KIAA1958: variants seen among roughly 807,000 people sequenced by gnomAD.
KIAA1958 encodes KIAA1958, also known as uncharacterized protein KIAA1958.
In KIAA1958, 14 loss-of-function variants were observed where a neutral mutation model predicts 47.2. The ratio of observed to expected loss-of-function variants is 0.30; its 90% CI spans 0.20 to 0.46. KIAA1958 has a LOEUF of 0.46. KIAA1958 is among the 20% of genes least tolerant of loss of function. The pLI, the probability that KIAA1958 is intolerant of heterozygous loss-of-function variation, is 1.00. For missense variants in KIAA1958, 803 were observed against 909.2 expected, an observed-to-expected ratio of 0.88 and a Z score of 1.50; for synonymous variants, 354 against 353.3, an observed-to-expected ratio of 1.00 and a Z score of -0.02.
chr9:112,547,486 A>C (rs575148296), intron 1 of KIAA1958, among the ~76,000 whole-genome samples: 1 of 152,046 alleles, frequency 6.6e-6, no homozygotes, highest in East Asian at 1.9e-4. Flanking sequence ...AGTTCGGGCC[A>C]TGATGCGGGG....
intron 2 of KIAA1958, among the ~76,000 whole-genome samples, chr9:112,639,056 T>C (rs1256031294): frequency 6.6e-6 from 1 of 152,214 alleles, no homozygotes; most frequent in Non-Finnish European, 1.5e-5. Context: ...AGTGATTTCC[T>C]GTGATTTTTC....
chr9:112,499,133 C>T (rs1834093085), intron 1 of KIAA1958, among the ~76,000 whole-genome samples: 1 of 152,136 alleles, frequency 6.6e-6, no homozygotes, highest in African/African-American at 2.4e-5. Flanking sequence ...TTTCTTTATC[C>T]ATGCATCGGT....
chr9:112,625,429 C>T (rs1396312310), intron 2 of KIAA1958, among the ~76,000 whole-genome samples: 4 of 152,084 alleles, frequency 2.6e-5, no homozygotes, highest in African/African-American at 9.7e-5. Flanking sequence ...GCTAGAATTA[C>T]AGGCATGAGC....
chr9:112,492,502 A>G lies in KIAA1958; in HGVS notation c.-25+5384A>G, dbSNP rs142781053. ...AGGAATACAGTTCAGCCTATAACACAGTCCATCCCTCTACCTACTGCCTTT... is the reference window on the plus strand; with the variant it reads ...AGGAATACAGTTCAGCCTATAACACGGTCCATCCCTCTACCTACTGCCTTT... On this transcript the variant is annotated intron_variant, in intron 1 of 3. Coordinates refer to ENST00000337530, the MANE Select transcript of KIAA1958 (RefSeq NM_133465.4). Among the ~76,000 whole-genome samples, 513 of 152,338 alleles carry G rather than the reference A, an allele frequency of 3.4e-3. 6 individuals carry two copies. Among genetic ancestry groups the G allele is most frequent in the African/African-American group, 0.011 (475 of 41,574 alleles).
intron 2 of KIAA1958, among the ~76,000 whole-genome samples, chr9:112,637,745 A>G (rs1286010077): frequency 2.0e-5 from 3 of 152,252 alleles, no homozygotes; most frequent in Non-Finnish European, 4.4e-5. Flanking sequence ...CTTTTAGCAT[A>G]CTAAAGATAT....
In KIAA1958 at chr9:112,618,841, G is replaced by A. The variant is rs1242736845; in HGVS notation, c.1172-26809G>A. The A allele has an allele frequency of 1.3e-6, 2 of 1,550,464 alleles. No individual in the cohort carries two copies. The highest frequency in any genetic ancestry group is 1.7e-6 in the Non-Finnish European group (2 of 1,146,844). ...ACAATCTGAGCCAGCAGGCTGCCCA[G>A]TCAGTGGCCGGCCACTCCAACAATG... On this transcript the variant is annotated intron_variant, in intron 2 of 3. Coordinates refer to ENST00000337530, the MANE Select transcript of KIAA1958 (RefSeq NM_133465.4). This position sits in a 1 kb window ranked among gnomAD's most constrained non-coding sequence, Gnocchi z 7.1.
chr9:112,628,446 G>A lies in KIAA1958; in HGVS notation c.1172-17204G>A, dbSNP rs148939190. On this transcript the variant is annotated intron_variant, in intron 2 of 3. Transcript: ENST00000337530. ...ATATGCTGTAGACATTTGCCCCTCCGTGAGGTGATAAAGCAATAAAAATAA... is the reference window on the plus strand; with the variant it reads ...ATATGCTGTAGACATTTGCCCCTCCATGAGGTGATAAAGCAATAAAAATAA... Among the ~76,000 whole-genome samples the A allele has an allele frequency of 5.5e-3, 831 of 152,226 alleles. 11 individuals are homozygous for A. Among genetic ancestry groups the A allele is most frequent in the African/African-American group, 0.019 (797 of 41,540 alleles).
chr9:112,619,041 A>T, intron 2 of KIAA1958: 1 of 976,892 alleles, frequency 1.0e-6, no homozygotes, highest in Non-Finnish European at 1.3e-6. Flanking sequence ...ATAAATATAT[A>T]ATATATTTTT....
chr9:112,574,557 C>G lies in KIAA1958; in HGVS notation c.477C>G (p.Asp159Glu), dbSNP rs775097356. 2.5e-5 allele frequency: 41 copies of G among 1,614,048 alleles called. No individual in the cohort carries two copies. Among genetic ancestry groups the G allele is most frequent in the Non-Finnish European group, 3.4e-5 (40 of 1,180,030 alleles). Residue 159 changes from aspartate (D) to glutamate (E), a missense_variant, in exon 2 of 4, where the codon GAC (aspartate) becomes GAG (glutamate). Coordinates refer to ENST00000337530, the MANE Select transcript of KIAA1958 (RefSeq NM_133465.4). ...CESSVTDEDS[D>E]FEPQTQRPQS... ...CTTCTGTTACAGATGAGGATAGTGA[C>G]TTTGAACCCCAAACCCAAAGGCCTC...
At chr9:112,526,815 A>T (rs931904329) in intron 1 of KIAA1958, among the ~76,000 whole-genome samples, 22 of 152,224 alleles carry the variant, frequency 1.4e-4, no homozygotes, top group African/African-American at 4.6e-4. Context: ...TTAAACTTCA[A>T]CATGAGTTTT....
At position 112,618,390 on chromosome 9, in the gene KIAA1958, C is replaced by T; in HGVS notation, c.1172-27260C>T. The T allele has an allele frequency of 3.2e-6, 5 of 1,551,270 alleles. No homozygotes were observed. Among genetic ancestry groups the T allele is most frequent in the East Asian group, 2.4e-5 (1 of 40,920 alleles). ...CATTGCACAGGCTTCCATGGATCTA[C>T]CTTAAAATGGGGTGATATCCGGCTC... On this transcript the variant is annotated intron_variant, in intron 2 of 3. Transcript: ENST00000337530. The surrounding 1 kb of genome is among the most constrained non-coding windows in gnomAD (Gnocchi z 7.1).
At chr9:112,505,059 C>G (rs550032697) in intron 1 of KIAA1958, among the ~76,000 whole-genome samples, 1 of 152,146 alleles carries the variant, frequency 6.6e-6, no homozygotes, top group African/African-American at 2.4e-5. Context: ...CTCAACTTTC[C>G]CAGTCTCTGT....
At chr9:112,489,341 C>G (rs950300686) in intron 1 of KIAA1958, among the ~76,000 whole-genome samples, 1 of 152,216 alleles carries the variant, frequency 6.6e-6, no homozygotes. Context: ...CACTGTGTAG[C>G]TAAGCATCGA....
At chr9:112,591,508 T>TA (rs527278567) in intron 2 of KIAA1958, among the ~76,000 whole-genome samples, 1 of 152,258 alleles carries the variant, frequency 6.6e-6, no homozygotes, top group Non-Finnish European at 1.5e-5. Flanking sequence ...TCTTATTTTT[T>TA]ATAGAAGTAT....
At chr9:112,518,259 T>C (rs558455718) in intron 1 of KIAA1958, among the ~76,000 whole-genome samples, 72 of 152,326 alleles carry the variant, frequency 4.7e-4, no homozygotes, top group African/African-American at 1.7e-3. Context: ...GTATGAAGAC[T>C]TGTATGTACA....
chr9:112,537,222 C>G (rs1390163650), intron 1 of KIAA1958, among the ~76,000 whole-genome samples: 1 of 152,142 alleles, frequency 6.6e-6, no homozygotes, highest in East Asian at 1.9e-4. Flanking sequence ...TCTCCCGCCT[C>G]AGCCTCCCGA....
intron 1 of KIAA1958, among the ~76,000 whole-genome samples, chr9:112,512,603 CG>C (rs1834341616): frequency 6.6e-6 from 1 of 152,040 alleles, no homozygotes; most frequent in South Asian, 2.1e-4. Flanking sequence ...CTCATCCATT[CG>C]TTCAGGAAAT....
At chr9:112,596,953 G>A (rs948052110) in intron 2 of KIAA1958, among the ~76,000 whole-genome samples, 7 of 152,118 alleles carry the variant, frequency 4.6e-5, no homozygotes, top group African/African-American at 1.7e-4. Context: ...TTAAAGGAAG[G>A]AATGGTTTCT....
chr9:112,598,411 A>G (rs1173413765), intron 2 of KIAA1958, among the ~76,000 whole-genome samples: 1 of 152,218 alleles, frequency 6.6e-6, no homozygotes, highest in African/African-American at 2.4e-5. Flanking sequence ...CAGGGAAGGA[A>G]TTTAAGCAGG....
Sources: gnomAD v4.1 joint callset for allele counts (sites outside exome capture counted in the v4.1 genomes callset) on GRCh38, gnomAD v4.1.1 for gene constraint, Gnocchi (gnomAD v3.1) non-coding constraint, MANE v1.5 for transcripts, NCBI Gene and HGNC (gene_info 2026-07-23, HGNC 2026-07-21) for gene names.